The following SLIT2 variants were observed in gnomAD, a reference collection of about 807,000 sequenced individuals.
SLIT2 encodes slit homolog 2 protein.
A neutral mutation model predicts 185.7 loss-of-function variants in SLIT2; 41 were observed. That is an observed-to-expected ratio of 0.22 (90% CI 0.17 to 0.29). The LOEUF is 0.29. SLIT2 is among the 10% of genes least tolerant of loss of function. The pLI, the probability that SLIT2 is intolerant of heterozygous loss-of-function variation, is 1.00. For missense variants in SLIT2, 1,571 were observed against 1,909.0 expected (o/e 0.82, Z 3.30); for synonymous variants, 693 against 680.2 (o/e 1.02, Z -0.29).
intron 4 of SLIT2, among the ~76,000 whole-genome samples, chr4:20,349,439 GA>G (rs1439361117): frequency 6.6e-6 from 1 of 152,122 alleles, no homozygotes; most frequent in African/African-American, 2.4e-5. Flanking sequence ...GTTCTGCATG[GA>G]TTTTCATGCA....
chr4:20,367,542 C>T (rs1006421270), intron 4 of SLIT2, among the ~76,000 whole-genome samples: 1 of 152,072 alleles, frequency 6.6e-6, no homozygotes, highest in Non-Finnish European at 1.5e-5. Context: ...AGAAAATATC[C>T]TAAGCATAAG....
chr4:20,349,633 T>G (rs1560341672), intron 4 of SLIT2, among the ~76,000 whole-genome samples: 1 of 152,218 alleles, frequency 6.6e-6, no homozygotes. Context: ...AATGTTAAAG[T>G]ATCACGAAAG....
At chr4:20,361,841 T>G (rs1722767168) in intron 4 of SLIT2, among the ~76,000 whole-genome samples, 1 of 152,116 alleles carries the variant, frequency 6.6e-6, no homozygotes, top group South Asian at 2.1e-4. Flanking sequence ...GATGTATAAT[T>G]TACACAAAAA....
Position 20,525,152 on chromosome 4 carries a change from A to C in SLIT2, c.1442A>C (p.Lys481Thr), listed in dbSNP as rs1303664806. 5.6e-6 allele frequency: 9 copies of C among 1,608,084 alleles called. No homozygotes were observed. Among genetic ancestry groups the C allele is most frequent in the Non-Finnish European group, 6.8e-6 (8 of 1,174,984 alleles). Residue 481 changes from lysine (K) to threonine (T), a missense_variant, in exon 15 of 37, where the codon AAA (lysine) becomes ACA (threonine). Lys to Thr is a moderately conservative substitution (Grantham distance 78). Transcript: ENST00000504154. Reference sequence around the variant, plus strand: ...TTTTGTCTCTTTTTTTATTTAGCTAAAGAACAGTATTTCATTCCAGGTAGG... The same window carrying C: ...TTTTGTCTCTTTTTTTATTTAGCTACAGAACAGTATTTCATTCCAGGTAGG... Reference protein sequence around the residue: ...IKSKKFRCSAKEQYFIPGTED... With the variant: ...IKSKKFRCSATEQYFIPGTED...
chr4:20,504,099 A>G (rs1718984594), intron 9 of SLIT2, among the ~76,000 whole-genome samples: 1 of 152,190 alleles, frequency 6.6e-6, no homozygotes, highest in Non-Finnish European at 1.5e-5. Context: ...AGTTGGAAGT[A>G]GCATTCCAAA....
intron 4 of SLIT2, among the ~76,000 whole-genome samples, chr4:20,328,082 A>G (rs182209256): frequency 6.6e-5 from 10 of 152,162 alleles, no homozygotes; most frequent in African/African-American, 2.2e-4. Flanking sequence ...AGAGTTTCTT[A>G]GAACTACCCT....
intron 9 of SLIT2, among the ~76,000 whole-genome samples, chr4:20,495,148 AG>A (rs1190501583): frequency 6.6e-6 from 1 of 152,202 alleles, no homozygotes; most frequent in African/African-American, 2.4e-5. Flanking sequence ...CAGACTGTAA[AG>A]AAAAGAAGTA....
At chr4:20,461,908 A>T (rs1195063733) in intron 4 of SLIT2, among the ~76,000 whole-genome samples, 5 of 152,186 alleles carry the variant, frequency 3.3e-5, no homozygotes, top group African/African-American at 1.2e-4. Flanking sequence ...TTGGAGTCTC[A>T]GTCATCCATG....
intron 4 of SLIT2, chr4:20,364,149 T>A (rs1366575305): frequency 4.8e-6 from 2 of 417,380 alleles, no homozygotes; most frequent in Admixed American, 6.4e-5. Context: ...GTGCAAATGA[T>A]TTATTCTGAA....
In SLIT2 at chr4:20,512,143, C is replaced by T. The variant is rs972578701; in HGVS notation, c.1058+1006C>T. 2.6e-5 allele frequency among the ~76,000 whole-genome samples: 4 copies of T among 151,818 alleles called. No individual in the cohort carries two copies. The South Asian group carries it at 8.3e-4, about 32-fold the overall frequency. On this transcript the variant is annotated intron_variant, in intron 11 of 36. Transcript: ENST00000504154. ...CGGCACATTTTTATTTTTTAAGAGC[C>T]GAAACTCAGAGAAGGGTTCTTATTG...
chr4:20,388,696 C>T (rs976531621), intron 4 of SLIT2, among the ~76,000 whole-genome samples: 8 of 150,800 alleles, frequency 5.3e-5, no homozygotes, highest in African/African-American at 1.2e-4. Flanking sequence ...ATCGTTTGAA[C>T]CCAGGAGGCA....
At chr4:20,594,401 G>GTA (rs930392344) in intron 30 of SLIT2, among the ~76,000 whole-genome samples, 53 of 150,484 alleles carry the variant, frequency 3.5e-4, no homozygotes, top group Middle Eastern at 3.4e-3. Context: ...GTATGTGTGT[G>GTA]TATATATATA....
chr4:20,415,862 A>C (rs1206036031), intron 4 of SLIT2, among the ~76,000 whole-genome samples: 2 of 152,198 alleles, frequency 1.3e-5, no homozygotes, highest in African/African-American at 4.8e-5. Context: ...ATATTATCAA[A>C]GATACATAAA....
chr4:20,411,201 T>C (rs1442853663), intron 4 of SLIT2, among the ~76,000 whole-genome samples: 1 of 152,244 alleles, frequency 6.6e-6, no homozygotes, highest in Non-Finnish European at 1.5e-5. Context: ...AAGCACTGGC[T>C]TCCTCATTTT....
chr4:20,579,513 CTT>C (rs1466438956), intron 29 of SLIT2, among the ~76,000 whole-genome samples: 3 of 152,078 alleles, frequency 2.0e-5, no homozygotes, highest in Admixed American at 1.3e-4. Context: ...ATTAAGGAAA[CTT>C]AACGGACAGT....
intron 17 of SLIT2, among the ~76,000 whole-genome samples, chr4:20,532,293 G>T (rs1721881619): frequency 6.6e-6 from 1 of 152,120 alleles, no homozygotes; most frequent in South Asian, 2.1e-4. Context: ...CAGACAGCTG[G>T]TCTGTTATGT....
At chr4:20,419,765 C>A (rs1728022321) in intron 4 of SLIT2, among the ~76,000 whole-genome samples, 1 of 150,202 alleles carries the variant, frequency 6.7e-6, no homozygotes, top group African/African-American at 2.5e-5. Flanking sequence ...ATGGTGGCTG[C>A]ATTCCGATTA....
chr4:20,550,861 G>A lies in SLIT2; in HGVS notation c.2524G>A (p.Glu842Lys), dbSNP rs1277021289. Residue 842 changes from glutamate to lysine, a missense_variant, in exon 25 of 37, where the codon GAA becomes AAA. Glu to Lys is a moderately conservative substitution (Grantham distance 56). This residue lies in a region of SLIT2 where 1,202 missense variants were observed against 1,416.4 expected (regional missense o/e 0.85). Coordinates refer to ENST00000504154, the MANE Select transcript of SLIT2 (RefSeq NM_004787.4). ...TGGAAATGACATTTCTGTTGTGCCTGAAGGTGCTTTCAATGATCTTTCTGC... is the reference window on the plus strand; with the variant it reads ...TGGAAATGACATTTCTGTTGTGCCTAAAGGTGCTTTCAATGATCTTTCTGC... The part of the protein sequence containing the change: ...LHGNDISVVP[E>K]GAFNDLSALS... 1.9e-6 allele frequency: 3 copies of A among 1,608,990 alleles called. No homozygotes were observed. In the South Asian group the frequency reaches 3.3e-5, roughly 18 times the overall value.
At chr4:20,586,402 T>G (rs994348072) in intron 29 of SLIT2, among the ~76,000 whole-genome samples, 2 of 152,296 alleles carry the variant, frequency 1.3e-5, no homozygotes, top group East Asian at 3.9e-4. Context: ...TGATTCCTCC[T>G]TTTAATGACT....
Sources: allele counts gnomAD v4.1 joint callset (sites outside exome capture counted in the v4.1 genomes callset), GRCh38; gene constraint gnomAD v4.1.1; regional missense constraint gnomAD v4.1.1; transcripts MANE v1.5; gene names NCBI Gene and HGNC (gene_info 2026-07-23, HGNC 2026-07-21).